FAM184A: variants seen among roughly 807,000 people sequenced by gnomAD.
The protein encoded by FAM184A is protein FAM184A.
A neutral mutation model predicts 143.8 loss-of-function variants in FAM184A; 99 were observed. The observed-to-expected ratio is 0.69, with a 90% CI of 0.58 to 0.81. The LOEUF (loss-of-function observed/expected upper bound fraction) is 0.81, where lower values mean the gene tolerates loss of function less well. Ranked by LOEUF, FAM184A falls within the 40% of genes least tolerant of loss-of-function variation. The probability of loss-of-function intolerance (pLI) is 0.00; values close to 1 mark genes in which losing one functional copy is unlikely to be tolerated. For synonymous variants in FAM184A, 427 were observed against 446.4 expected (o/e 0.96, Z 0.55); for missense variants, 1,217 against 1,310.5 (o/e 0.93, Z 1.10).
chr6:119,038,606 T>C (rs1173040235), intron 1 of FAM184A, among the ~76,000 whole-genome samples: 3 of 152,168 alleles, frequency 2.0e-5, no homozygotes, highest in Admixed American at 1.3e-4. Flanking sequence ...GAGGCATAAA[T>C]AATCCATCCC....
At chr6:119,132,521 T>A (rs2114877723) in intron 1 of FAM184A, among the ~76,000 whole-genome samples, 1 of 152,322 alleles carries the variant, frequency 6.6e-6, no homozygotes, top group Admixed American at 6.5e-5. Flanking sequence ...GCACTCAAAA[T>A]CCACATTTTT....
intron 1 of FAM184A, among the ~76,000 whole-genome samples, chr6:119,086,858 C>T (rs1788236898): frequency 6.6e-6 from 1 of 152,128 alleles, no homozygotes; most frequent in Admixed American, 6.6e-5. Context: ...TGCACTTATT[C>T]TGGTGAGAGA....
At chr6:119,133,261 T>C (rs1038915654) in intron 1 of FAM184A, among the ~76,000 whole-genome samples, 3 of 152,134 alleles carry the variant, frequency 2.0e-5, no homozygotes, top group African/African-American at 7.2e-5. Flanking sequence ...GCTTTTTTGG[T>C]GTGAGTTTGA....
chr6:119,076,166 TG>T (rs1787865340), intron 1 of FAM184A, among the ~76,000 whole-genome samples: 1 of 152,204 alleles, frequency 6.6e-6, no homozygotes, highest in Non-Finnish European at 1.5e-5. Context: ...CCAGGGATGC[TG>T]CCAAACATCC....
At chr6:119,138,703 C>T (rs1562165734) in intron 1 of FAM184A, among the ~76,000 whole-genome samples, 2 of 151,892 alleles carry the variant, frequency 1.3e-5, no homozygotes, top group East Asian at 1.9e-4. Flanking sequence ...CTTGGCTCAC[C>T]GCAACCTCCG....
At chr6:118,996,059 C>T (rs1357040515) in intron 9 of FAM184A, among the ~76,000 whole-genome samples, 1 of 152,104 alleles carries the variant, frequency 6.6e-6, no homozygotes, top group African/African-American at 2.4e-5. Flanking sequence ...TTCTCTTCTC[C>T]TAAAGGTGAC....
chr6:118,979,317 T>TAAA, intron 11 of FAM184A, 48 bp downstream of exon 11: 1 of 1,512,540 alleles, frequency 6.6e-7, no homozygotes, highest in African/African-American at 1.4e-5. Flanking sequence ...TAAAAAATGT[T>TAAA]AAAAATGTAC....
chr6:119,070,620 T>C (rs1787646957), intron 1 of FAM184A, among the ~76,000 whole-genome samples: 1 of 152,154 alleles, frequency 6.6e-6, no homozygotes, highest in Non-Finnish European at 1.5e-5. Flanking sequence ...TTTATTTTTA[T>C]TTTTTAAAAA....
chr6:119,016,980 C>T, intron 4 of FAM184A, 36 bp from the exon 5 acceptor site: 1 of 1,437,608 alleles, frequency 7.0e-7, no homozygotes, highest in Non-Finnish European at 9.6e-7. Flanking sequence ...TCGGCACCTG[C>T]TTTTTTCATT....
intron 5 of FAM184A, among the ~76,000 whole-genome samples, chr6:119,014,874 C>T (rs1223132106): frequency 6.6e-6 from 1 of 152,044 alleles, no homozygotes; most frequent in African/African-American, 2.4e-5. Context: ...GCCTGGCCAA[C>T]ATGGTGAAAC....
At chr6:119,145,091 C>A (rs1246244836) in intron 1 of FAM184A, among the ~76,000 whole-genome samples, 1 of 152,232 alleles carries the variant, frequency 6.6e-6, no homozygotes, top group Non-Finnish European at 1.5e-5. Context: ...GTAGCTGCAG[C>A]TGGTTTGTTC....
At chr6:119,008,295 G>T (rs12527366) in intron 6 of FAM184A, among the ~76,000 whole-genome samples, 4,348 of 152,186 alleles carry the variant, frequency 0.029, 491 homozygotes, top group Admixed American at 0.2. Context: ...AAACCAATAA[G>T]GTCATCTCAT....
intron 9 of FAM184A, among the ~76,000 whole-genome samples, chr6:118,996,869 C>T (rs888024833): frequency 2.0e-5 from 3 of 150,988 alleles, no homozygotes; most frequent in African/African-American, 7.3e-5. Context: ...TGTGCATGAC[C>T]ATGCCTGGCT....
At chr6:118,988,249 A>C (rs931227746) in intron 9 of FAM184A, among the ~76,000 whole-genome samples, 10 of 152,188 alleles carry the variant, frequency 6.6e-5, no homozygotes, top group Admixed American at 1.3e-4. Flanking sequence ...AACAAGTTGA[A>C]AACAGTTCTA....
intron 1 of FAM184A, among the ~76,000 whole-genome samples, chr6:119,048,316 G>T (rs951955300): frequency 6.6e-6 from 1 of 152,146 alleles, no homozygotes; most frequent in Non-Finnish European, 1.5e-5. Context: ...TTGAAAACCA[G>T]CACAAGACAA....
chr6:119,080,129 CT>C (rs1788019415), upstream of FAM184A, among the ~76,000 whole-genome samples: 1 of 152,206 alleles, frequency 6.6e-6, no homozygotes, highest in East Asian at 1.9e-4. Flanking sequence ...GCTCAAAAGA[CT>C]CTCTGTTTCA....
chr6:119,083,826 T>A (rs1297564825), intron 1 of FAM184A, among the ~76,000 whole-genome samples: 1 of 152,200 alleles, frequency 6.6e-6, no homozygotes, highest in African/African-American at 2.4e-5. Flanking sequence ...ACTGTTCCAG[T>A]TCTGCCTGTT....
chr6:118,960,327 C>A, intron 17 of FAM184A, 143 bp from the exon 18 acceptor site: 1 of 622,778 alleles, frequency 1.6e-6, no homozygotes, highest in Non-Finnish European at 2.8e-6. Context: ...GCTACCCCCT[C>A]TATACTAGAA....
chr6:119,131,492 T>C (rs965651669), intron 1 of FAM184A, among the ~76,000 whole-genome samples: 2 of 152,068 alleles, frequency 1.3e-5, no homozygotes, highest in Non-Finnish European at 2.9e-5. Context: ...TTTTATTTAT[T>C]TATTTATTTT....
Sources: gnomAD v4.1 joint callset for allele counts (sites outside exome capture counted in the v4.1 genomes callset) on GRCh38, gnomAD v4.1.1 for gene constraint, MANE v1.5 for transcripts, NCBI Gene and HGNC (gene_info 2026-07-23, HGNC 2026-07-21) for gene names.